PKHD1: variants seen among roughly 807,000 people sequenced by gnomAD.
The protein encoded by PKHD1 is fibrocystin.
PKHD1 carries 291 observed loss-of-function variants against 412.0 expected under a neutral mutation model. The observed-to-expected ratio is 0.71, with a 90% CI of 0.64 to 0.78. The LOEUF (loss-of-function observed/expected upper bound fraction) is 0.78, where lower values mean the gene tolerates loss of function less well. Ranked by LOEUF, PKHD1 falls within the 30% of genes least tolerant of loss-of-function variation. The pLI is 0.00. For missense variants in PKHD1, 4,825 were observed against 4,950.7 expected, an observed-to-expected ratio of 0.97 and a Z score of 0.76; for synonymous variants, 1,777 against 1,821.5, an observed-to-expected ratio of 0.98 and a Z score of 0.62.
chr6:52,028,982 C>T (rs1183079507), intron 29 of PKHD1, among the ~76,000 whole-genome samples: 1 of 152,222 alleles, frequency 6.6e-6, no homozygotes, highest in East Asian at 1.9e-4. Context: ...ATATTGGTTG[C>T]TTAACCTCCA....
intron 57 of PKHD1, 111 bp downstream of exon 57, chr6:51,753,090 T>C: frequency 1.1e-6 from 1 of 936,396 alleles, no homozygotes; most frequent in Non-Finnish European, 1.7e-6. Context: ...AGGAACTATC[T>C]CATTTGAACA....
At chr6:51,846,122 T>C (rs1490081997) in intron 50 of PKHD1, among the ~76,000 whole-genome samples, 1 of 152,230 alleles carries the variant, frequency 6.6e-6, no homozygotes, top group African/African-American at 2.4e-5. Flanking sequence ...CATTTATGAA[T>C]GGATCAAATC....
intron 55 of PKHD1, among the ~76,000 whole-genome samples, chr6:51,767,240 G>C (rs1476861462): frequency 6.6e-6 from 1 of 151,476 alleles, no homozygotes; most frequent in Non-Finnish European, 1.5e-5. Context: ...GCTAATGTTT[G>C]GCTATTTTCT....
At chr6:51,813,391 A>G (rs1764986595) in intron 52 of PKHD1, among the ~76,000 whole-genome samples, 1 of 152,174 alleles carries the variant, frequency 6.6e-6, no homozygotes, top group Non-Finnish European at 1.5e-5. Context: ...TAGTACTACC[A>G]CTGTTATCAC....
At chr6:51,804,361 G>GGC (rs1763394103) in intron 52 of PKHD1, among the ~76,000 whole-genome samples, 1 of 43,240 alleles carries the variant, frequency 2.3e-5, no homozygotes, top group Admixed American at 1.8e-4. Context: ...TAATTCATTG[G>GGC]GGGGGGGGGG....
chr6:51,999,451 A>G (rs1054058970), intron 35 of PKHD1, among the ~76,000 whole-genome samples: 1 of 151,908 alleles, frequency 6.6e-6, no homozygotes, highest in Admixed American at 6.6e-5. Context: ...TCTTTACCCA[A>G]ATTTCTTCAC....
intron 39 of PKHD1, among the ~76,000 whole-genome samples, chr6:51,911,553 A>G (rs1782938401): frequency 6.6e-6 from 1 of 152,122 alleles, no homozygotes; most frequent in Admixed American, 6.6e-5. Context: ...TATTTTCCCC[A>G]GAGAAATAAT....
chr6:51,831,033 A>G, intron 51 of PKHD1, 44 bp from the exon 52 acceptor site: 1 of 1,496,376 alleles, frequency 6.7e-7, no homozygotes, highest in Non-Finnish European at 9.3e-7. Context: ...CCATTGTGAT[A>G]ACTTCCAAAT....
chr6:52,048,775 C>A (rs948521582), intron 22 of PKHD1, among the ~76,000 whole-genome samples, 156 bp from the exon 23 acceptor site: 1 of 152,156 alleles, frequency 6.6e-6, no homozygotes, highest in African/African-American at 2.4e-5. Context: ...CAGGACCACT[C>A]GATGTGAGAA....
At chr6:51,864,654 T>C (rs989521168) in intron 48 of PKHD1, among the ~76,000 whole-genome samples, 1 of 152,134 alleles carries the variant, frequency 6.6e-6, no homozygotes, top group Non-Finnish European at 1.5e-5. Flanking sequence ...TTTTGGCAAG[T>C]TGAGTTTTAG....
chr6:51,775,532 G>C (rs1790877465), intron 54 of PKHD1, among the ~76,000 whole-genome samples: 1 of 151,890 alleles, frequency 6.6e-6, no homozygotes, highest in African/African-American at 2.4e-5. Context: ...CGAAACTTTA[G>C]TGTCTGACTA....
rs765667001 is a variant in PKHD1 at position 51,807,485 on chromosome 6, A to ATATATGTGTG, written c.8303-16113_8303-16112insCACACATATA. The stretch of plus-strand genomic sequence containing the variant: ...TATATATATATATATATATATGTAT[A>ATATATGTGTG]TGTGTGTGTGTGTGTGTGTGTGTGT... On this transcript the variant is annotated intron_variant, in intron 52 of 66. Transcript: ENST00000371117. Among the ~76,000 whole-genome samples the ATATATGTGTG allele has an allele frequency of 7.5e-3, 842 of 111,730 alleles. 33 individuals carry two copies. The highest frequency in any genetic ancestry group is 0.025 in the African/African-American group (646 of 25,780). 73.3% of individuals were successfully genotyped at this position (111,730 alleles called of 152,430 possible).
At chr6:51,687,488 C>G (rs1011204871) in intron 60 of PKHD1, among the ~76,000 whole-genome samples, 24 of 152,110 alleles carry the variant, frequency 1.6e-4, no homozygotes, top group African/African-American at 5.8e-4. Context: ...GTTAAATATC[C>G]ATAGACACCC....
rs146133887 is a variant in PKHD1 at position 51,998,156 on chromosome 6, C to G, written c.5751+12153G>C. On this transcript the variant is annotated intron_variant, in intron 35 of 66. Transcript: ENST00000371117. The stretch of plus-strand genomic sequence containing the variant: ...TACAGATGTTGGCAAATCTCTTGGA[C>G]AGAACAACTGTCCCCCATATGTTGA... Among the ~76,000 whole-genome samples the G allele has an allele frequency of 3.9e-5, 6 of 152,028 alleles. No homozygotes were observed. The East Asian group carries it at 1.2e-3, about 29-fold the overall frequency.
At chr6:51,623,739 A>G (rs1052318706) in intron 66 of PKHD1, among the ~76,000 whole-genome samples, 8 of 152,152 alleles carry the variant, frequency 5.3e-5, no homozygotes, top group African/African-American at 1.9e-4. Context: ...ATGTGCCACC[A>G]CACCCAGCTA....
At chr6:51,830,138 G>A (rs946764178) in intron 52 of PKHD1, among the ~76,000 whole-genome samples, 1 of 152,090 alleles carries the variant, frequency 6.6e-6, no homozygotes, top group Non-Finnish European at 1.5e-5. Context: ...ATTATCTTAA[G>A]AGGTTCAAAT....
intron 39 of PKHD1, among the ~76,000 whole-genome samples, chr6:51,910,818 G>A (rs570429896): frequency 3.4e-4 from 52 of 152,186 alleles, no homozygotes; most frequent in African/African-American, 1.2e-3. Context: ...GTGAGTAGAT[G>A]ATTTGTAGGG....
intron 52 of PKHD1, among the ~76,000 whole-genome samples, chr6:51,811,400 T>A (rs1290827053): frequency 2.0e-5 from 3 of 152,200 alleles, no homozygotes; most frequent in African/African-American, 7.2e-5. Flanking sequence ...ACATTCCTAC[T>A]CTGGGTAACT....
intron 53 of PKHD1, among the ~76,000 whole-genome samples, chr6:51,783,645 A>T (rs1019477450): frequency 6.6e-6 from 1 of 152,076 alleles, no homozygotes; most frequent in Non-Finnish European, 1.5e-5. Context: ...ACATTGATGA[A>T]AGGGATGGGC....
Sources: gnomAD v4.1 joint callset for allele counts (sites outside exome capture counted in the v4.1 genomes callset) on GRCh38, gnomAD v4.1.1 for gene constraint, MANE v1.5 for transcripts, NCBI Gene and HGNC (gene_info 2026-07-23, HGNC 2026-07-21) for gene names.